The following ADAMTSL1 variants were observed in gnomAD, a reference collection of about 807,000 sequenced individuals.
ADAMTSL1 encodes the protein ADAMTS like 1.
In ADAMTSL1, 126 loss-of-function variants were observed where a neutral mutation model predicts 201.8. The observed-to-expected ratio is 0.62, with a 90% CI of 0.54 to 0.72. The LOEUF is 0.72. Among genes scored for constraint, ADAMTSL1 ranks in the 30% least tolerant of loss-of-function variants. ADAMTSL1 has a pLI of 0.00. For missense variants in ADAMTSL1, 2,679 were observed against 2,277.8 expected, an observed-to-expected ratio of 1.18 and a Z score of -3.59; for synonymous variants, 1,121 against 903.4, an observed-to-expected ratio of 1.24 and a Z score of -4.32.
chr9:18,250,793 T>A (rs908358642), intron 2 of ADAMTSL1, among the ~76,000 whole-genome samples: 12 of 152,146 alleles, frequency 7.9e-5, no homozygotes, highest in African/African-American at 2.7e-4. Flanking sequence ...AGGCTCCTCA[T>A]TCCTGAATGA....
At chr9:18,592,544 C>T (rs998305269) in intron 4 of ADAMTSL1, among the ~76,000 whole-genome samples, 1 of 152,066 alleles carries the variant, frequency 6.6e-6, no homozygotes, top group Non-Finnish European at 1.5e-5. Context: ...TTTCGATGGC[C>T]GACCATTATG....
At chr9:17,908,657 C>T (rs984427634) in intron 1 of ADAMTSL1, among the ~76,000 whole-genome samples, 1 of 152,152 alleles carries the variant, frequency 6.6e-6, no homozygotes, top group Non-Finnish European at 1.5e-5. Context: ...GGGTTTTCAC[C>T]TTGCTGGCCA....
intron 23 of ADAMTSL1, among the ~76,000 whole-genome samples, chr9:18,832,477 A>G (rs1825049401): frequency 1.3e-5 from 2 of 152,252 alleles, no homozygotes; most frequent in African/African-American, 2.4e-5. Flanking sequence ...AAATAGGAGA[A>G]TGACATACTA....
intron 16 of ADAMTSL1, among the ~76,000 whole-genome samples, chr9:18,762,835 T>C (rs548670323): frequency 3.3e-5 from 5 of 152,354 alleles, no homozygotes; most frequent in African/African-American, 9.6e-5. Flanking sequence ...CTGGATCTCA[T>C]TCTTTTTATG....
chr9:18,386,880 C>T (rs1046748072), intron 2 of ADAMTSL1, among the ~76,000 whole-genome samples: 5 of 152,150 alleles, frequency 3.3e-5, no homozygotes, highest in South Asian at 2.1e-4. Context: ...ATTCTTTAAT[C>T]GTCATCTTCC....
chr9:18,627,057 T>C (rs375550666), intron 5 of ADAMTSL1, among the ~76,000 whole-genome samples: 22 of 152,084 alleles, frequency 1.4e-4, no homozygotes, highest in Admixed American at 9.8e-4. Context: ...CTCAGCTCAT[T>C]GCAGCCTTGA....
chr9:18,667,238 C>T (rs368074612), intron 9 of ADAMTSL1, among the ~76,000 whole-genome samples: 8 of 146,976 alleles, frequency 5.4e-5, no homozygotes, highest in African/African-American at 1.8e-4. Context: ...TTGTCCAGCT[C>T]CATTTAGTTT....
At chr9:18,649,350 G>A (rs13291526) in intron 7 of ADAMTSL1, among the ~76,000 whole-genome samples, 26,235 of 150,618 alleles carry the variant, frequency 0.17, 2,413 homozygotes, top group Middle Eastern at 0.25. Context: ...CCTGTAGCTC[G>A]GAGTGGTTTG....
chr9:18,337,443 A>G (rs776493841), intron 2 of ADAMTSL1, among the ~76,000 whole-genome samples: 19 of 152,230 alleles, frequency 1.2e-4, no homozygotes, highest in African/African-American at 2.2e-4. Context: ...TCCCTTTCAT[A>G]TATACATCTA....
chr9:18,663,061 A>T (rs977855739), intron 9 of ADAMTSL1, among the ~76,000 whole-genome samples: 1 of 152,232 alleles, frequency 6.6e-6, no homozygotes, highest in African/African-American at 2.4e-5. Context: ...TCTCATTAAA[A>T]TATGACTTGG....
At chr9:17,943,172 G>A (rs1032949554) in intron 1 of ADAMTSL1, among the ~76,000 whole-genome samples, 2 of 152,028 alleles carry the variant, frequency 1.3e-5, no homozygotes, top group Non-Finnish European at 2.9e-5. Flanking sequence ...GAACTCCTGG[G>A]TTCAAGCAGT....
intron 2 of ADAMTSL1, among the ~76,000 whole-genome samples, chr9:18,169,226 C>T (rs1827779570): frequency 1.3e-5 from 2 of 151,780 alleles, no homozygotes. Context: ...ATGGTGTTGC[C>T]TAGGTTTTCT....
intron 2 of ADAMTSL1, among the ~76,000 whole-genome samples, chr9:18,227,923 G>A (rs1830491315): frequency 1.3e-5 from 2 of 152,188 alleles, no homozygotes; most frequent in Non-Finnish European, 2.9e-5. Flanking sequence ...TGTCAAGTAA[G>A]TGCTGAAATA....
chr9:17,932,509 A>T (rs1826836640), intron 1 of ADAMTSL1, among the ~76,000 whole-genome samples: 1 of 152,212 alleles, frequency 6.6e-6, no homozygotes, highest in Admixed American at 6.5e-5. Context: ...TGGTAAACTC[A>T]TTTTTCGTTG....
intron 6 of ADAMTSL1, 22 bp downstream of exon 6, chr9:18,636,039 C>A: frequency 1.3e-6 from 2 of 1,547,856 alleles, no homozygotes; most frequent in Non-Finnish European, 1.7e-6. Flanking sequence ...CATTGTTTTC[C>A]TTTGGGAATT....
At chr9:18,901,463 G>A (rs1830013917) in intron 26 of ADAMTSL1, among the ~76,000 whole-genome samples, 1 of 152,152 alleles carries the variant, frequency 6.6e-6, no homozygotes, top group Non-Finnish European at 1.5e-5. Flanking sequence ...AAATGCATAA[G>A]AAGTAATTAT....
At chr9:18,573,461 A>G (rs1822471419) in intron 3 of ADAMTSL1, 1 of 156,000 alleles carries the variant, frequency 6.4e-6, no homozygotes, top group African/African-American at 2.4e-5. Context: ...AAAGCAATTC[A>G]TATATAAATG....
At chr9:18,836,255 C>A (rs1213103712) in intron 23 of ADAMTSL1, among the ~76,000 whole-genome samples, 1 of 152,056 alleles carries the variant, frequency 6.6e-6, no homozygotes, top group African/African-American at 2.4e-5. Context: ...CTGTTCCTGT[C>A]TTTTGCCAAT....
At chr9:18,732,573 G>T (rs766540753) in intron 15 of ADAMTSL1, among the ~76,000 whole-genome samples, 4 of 152,180 alleles carry the variant, frequency 2.6e-5, no homozygotes, top group Admixed American at 6.5e-5. Flanking sequence ...GAAATGAGCC[G>T]CTGTGTCCCG....
Sources: allele counts gnomAD v4.1 joint callset (sites outside exome capture counted in the v4.1 genomes callset), GRCh38; gene constraint gnomAD v4.1.1; transcripts MANE v1.5; gene names NCBI Gene and HGNC (gene_info 2026-07-23, HGNC 2026-07-21).